L3MBTL4: variants seen among roughly 807,000 people sequenced by gnomAD.
The protein encoded by L3MBTL4 is lethal(3)malignant brain tumor-like protein 4.
Under a neutral mutation model 84.5 loss-of-function variants are expected in L3MBTL4, and 70 were observed. The observed-to-expected ratio is 0.83, with a 90% CI of 0.68 to 1.01. The LOEUF (loss-of-function observed/expected upper bound fraction) is 1.01. Among genes scored for constraint, L3MBTL4 ranks in the 50% least tolerant of loss-of-function variants. The pLI is 0.00. For missense variants in L3MBTL4, 715 were observed against 754.8 expected (o/e 0.95, Z 0.62); for synonymous variants, 274 against 259.8 (o/e 1.05, Z -0.52).
chr18:6,072,880 AAATATATATATATATATATATATATAT>A (rs2057722475), intron 16 of L3MBTL4, among the ~76,000 whole-genome samples: 2 of 43,244 alleles, frequency 4.6e-5, no homozygotes, highest in Non-Finnish European at 9.1e-5. Flanking sequence ...AAAAAAAAAA[AAATATATATATATATATATATATATAT>A]ATATATATAT....
intron 6 of L3MBTL4, among the ~76,000 whole-genome samples, 176 bp downstream of exon 6, chr18:6,244,308 C>A (rs915059634): frequency 1.3e-5 from 2 of 152,148 alleles, no homozygotes; most frequent in African/African-American, 2.4e-5. Flanking sequence ...GAAAATTCAT[C>A]TTCAGAGAAG....
At chr18:6,113,377 A>G (rs771736733) in intron 14 of L3MBTL4, among the ~76,000 whole-genome samples, 2 of 151,868 alleles carry the variant, frequency 1.3e-5, no homozygotes, top group Non-Finnish European at 1.5e-5. Flanking sequence ...AGGCTTATTC[A>G]AAATAGTTTG....
intron 16 of L3MBTL4, among the ~76,000 whole-genome samples, chr18:6,033,866 C>A (rs1188765327): frequency 4.6e-5 from 7 of 152,130 alleles, no homozygotes; most frequent in African/African-American, 1.7e-4. Flanking sequence ...ACACTGTATG[C>A]CCCAAACCAT....
intron 5 of L3MBTL4, chr18:6,260,138 C>A (rs2048332730): frequency 6.6e-6 from 1 of 152,068 alleles, no homozygotes. Context: ...TATTCTGTTC[C>A]ATTGTTCTAT....
At chr18:6,378,802 G>A (rs192288880) in intron 1 of L3MBTL4, among the ~76,000 whole-genome samples, 9 of 152,266 alleles carry the variant, frequency 5.9e-5, no homozygotes, top group South Asian at 2.1e-4. Flanking sequence ...GGCTACATGG[G>A]CTCTTTTTTG....
intron 14 of L3MBTL4, among the ~76,000 whole-genome samples, chr18:6,125,815 A>G (rs1225060431): frequency 1.3e-5 from 2 of 152,234 alleles, no homozygotes; most frequent in Non-Finnish European, 2.9e-5. Context: ...TAGAACAGAC[A>G]ACTAATTTTT....
Position 6,241,375 on chromosome 18 carries a change from A to G in L3MBTL4, c.535T>C (p.Phe179Leu). 6.3e-7 allele frequency: 1 copy of G among 1,592,502 alleles called. No homozygotes were observed. The highest frequency in any genetic ancestry group is 2.2e-5 in the East Asian group (1 of 44,658). ...ATACTTACAGGACTTCTGTTTCTGA[A>G]TAATTTCTTTGGAGCATTTTGCAAT... Reference protein sequence around the residue: ...CKLQNAPKKLFRNRSPNGPMS... With the variant: ...CKLQNAPKKLLRNRSPNGPMS... The change falls in exon 8 of 19, where the codon TTC becomes CTC. Residue 179 changes from phenylalanine (F) to leucine (L), a missense_variant. By Grantham distance (22) the Phe-to-Leu change is conservative. Transcript: ENST00000317931.
chr18:6,303,203 G>A (rs2050421753), intron 3 of L3MBTL4, among the ~76,000 whole-genome samples: 1 of 151,792 alleles, frequency 6.6e-6, no homozygotes, highest in Non-Finnish European at 1.5e-5. Context: ...TCGGCTCACT[G>A]CAACCACCAC....
At chr18:6,357,641 C>T (rs868286162) in intron 1 of L3MBTL4, among the ~76,000 whole-genome samples, 1 of 152,140 alleles carries the variant, frequency 6.6e-6, no homozygotes, top group Non-Finnish European at 1.5e-5. Flanking sequence ...AAATTCCCCT[C>T]CATGACTGGG....
intron 1 of L3MBTL4, among the ~76,000 whole-genome samples, chr18:6,361,425 G>A (rs1032880876): frequency 1.9e-4 from 29 of 152,122 alleles, no homozygotes; most frequent in Non-Finnish European, 4.4e-5. Context: ...GTACCCACAT[G>A]ATCATAGCCC....
intron 15 of L3MBTL4, chr18:6,081,171 TC>T (rs1209754893): frequency 2.4e-6 from 1 of 411,018 alleles, no homozygotes; most frequent in Non-Finnish European, 4.3e-6. Flanking sequence ...AAAAGGCCTT[TC>T]CCCCCTCATT....
chr18:6,078,923 C>T (rs184539622), intron 16 of L3MBTL4, among the ~76,000 whole-genome samples: 2 of 152,294 alleles, frequency 1.3e-5, no homozygotes, highest in Non-Finnish European at 2.9e-5. Flanking sequence ...ATTAGATTCT[C>T]ATAAGGAACA....
intron 1 of L3MBTL4, among the ~76,000 whole-genome samples, chr18:6,407,409 T>C (rs2144716283): frequency 6.6e-6 from 1 of 152,312 alleles, no homozygotes; most frequent in South Asian, 2.1e-4. Flanking sequence ...AAAAAAATCA[T>C]TGTTCTAACC....
At chr18:6,194,993 A>G (rs2045310210) in intron 12 of L3MBTL4, among the ~76,000 whole-genome samples, 2 of 152,210 alleles carry the variant, frequency 1.3e-5, no homozygotes, top group Non-Finnish European at 2.9e-5. Context: ...ACAGACTTAT[A>G]CAAGCTGATC....
intron 1 of L3MBTL4, among the ~76,000 whole-genome samples, chr18:6,366,281 T>C (rs2053931067): frequency 6.6e-6 from 1 of 152,238 alleles, no homozygotes; most frequent in Non-Finnish European, 1.5e-5. Flanking sequence ...CACATTCTTC[T>C]TTAAACAACA....
chr18:6,296,135 G>A (rs531817681), intron 4 of L3MBTL4, among the ~76,000 whole-genome samples: 1 of 152,154 alleles, frequency 6.6e-6, no homozygotes, highest in East Asian at 1.9e-4. Flanking sequence ...CATTACACCC[G>A]GGAAGTAAAC....
At chr18:6,342,019 T>C in intron 1 of L3MBTL4, among the ~76,000 whole-genome samples, 1 of 152,054 alleles carries the variant, frequency 6.6e-6, no homozygotes, top group East Asian at 1.9e-4. Context: ...AGCAGCCAAC[T>C]AAAAATACAA....
chr18:6,379,658 A>G lies in L3MBTL4; in HGVS notation c.-91+35143T>C, dbSNP rs545020702. Reference sequence around the variant, plus strand: ...ATGTTGAACCAGCCTTGCATCCCAGATATGAAGCCGACTTGATCGTGGTGG... The same window carrying G: ...ATGTTGAACCAGCCTTGCATCCCAGGTATGAAGCCGACTTGATCGTGGTGG... On this transcript the variant is annotated intron_variant, in intron 1 of 18. Transcript: ENST00000317931. Among the ~76,000 whole-genome samples, 4 of 152,250 alleles carry G rather than the reference A, an allele frequency of 2.6e-5. 1 individual carries two copies. The highest frequency in any genetic ancestry group is 9.6e-5 in the African/African-American group (4 of 41,544).
intron 10 of L3MBTL4, among the ~76,000 whole-genome samples, chr18:6,232,656 C>T (rs2047045757): frequency 6.6e-6 from 1 of 151,996 alleles, no homozygotes; most frequent in Non-Finnish European, 1.5e-5. Context: ...TCCTTGCTCA[C>T]ACAAGGTTCA....
Sources: gnomAD v4.1 joint callset for allele counts (sites outside exome capture counted in the v4.1 genomes callset) on GRCh38, gnomAD v4.1.1 for gene constraint, MANE v1.5 for transcripts, NCBI Gene and HGNC (gene_info 2026-07-23, HGNC 2026-07-21) for gene names.